Variants in A1CF observed in about 807,000 individuals in gnomAD.
A1CF encodes the protein APOBEC1 complementation factor, also known as APOBEC-1 stimulating protein.
In A1CF, 48 loss-of-function variants were observed where a neutral mutation model predicts 68.9. That is an observed-to-expected ratio of 0.70 (90% CI 0.55 to 0.89). A1CF has a LOEUF of 0.89. Among genes scored for constraint, A1CF ranks in the 40% least tolerant of loss-of-function variants. The pLI is 0.00. For missense variants in A1CF, 653 were observed against 718.9 expected (o/e 0.91, Z 1.05); for synonymous variants, 272 against 260.4 (o/e 1.04, Z -0.43).
At chr10:50,819,779 T>C (rs186545808) in intron 8 of A1CF, among the ~76,000 whole-genome samples, 335 of 152,304 alleles carry the variant, frequency 2.2e-3, no homozygotes, top group Non-Finnish European at 3.9e-3. Context: ...TACCCAATTT[T>C]CGTGGCTTCT....
intron 6 of A1CF, among the ~76,000 whole-genome samples, chr10:50,830,559 C>T (rs1368243556): frequency 6.6e-6 from 1 of 151,608 alleles, no homozygotes; most frequent in East Asian, 1.9e-4. Flanking sequence ...TAAATTTAAC[C>T]AACAAAATGA....
At chr10:50,849,171 GT>G (rs1840126574) in intron 3 of A1CF, among the ~76,000 whole-genome samples, 1 of 152,062 alleles carries the variant, frequency 6.6e-6, no homozygotes, top group Non-Finnish European at 1.5e-5. Flanking sequence ...CTCTTCTAAA[GT>G]TTTTGTTGCC....
rs750443908 is a variant in A1CF at position 50,859,904 on chromosome 10, C to A, written c.37G>T (p.Gly13Cys). 31 of 1,613,834 alleles carry A rather than the reference C, an allele frequency of 1.9e-5. No homozygotes were observed. In the Admixed American group the frequency reaches 5.2e-4, roughly 27 times the overall value. Residue 13 changes from glycine (G) to cysteine (C), a missense_variant, in exon 3 of 13, where the codon GGC (glycine) becomes TGC (cysteine). Coordinates refer to ENST00000373997, the MANE Select transcript of A1CF (RefSeq NM_014576.4). ...SNHKSGDGLS[G>C]TQKEAALRAL... The stretch of plus-strand genomic sequence containing the variant: ...CGGAGGGCTGCTTCCTTCTGAGTGC[C>A]GCTCAATCCATCCCCGGATTTGTGA...
intron 5 of A1CF, among the ~76,000 whole-genome samples, chr10:50,836,753 T>C (rs891186830): frequency 1.4e-5 from 2 of 140,794 alleles, no homozygotes; most frequent in Non-Finnish European, 3.0e-5. Flanking sequence ...AGTGTTCTCA[T>C]TGTTCAATTC....
At position 50,861,038 on chromosome 10, in the gene A1CF, T is replaced by C. The variant is rs144962129; in HGVS notation, c.-45-1053A>G. 2.2e-3 allele frequency among the ~76,000 whole-genome samples: 329 copies of C among 152,330 alleles called. 2 individuals carry two copies. Among genetic ancestry groups the C allele is most frequent in the African/African-American group, 7.5e-3 (312 of 41,578 alleles). ...AGAATGTATTTGAATATAGGTACTT[T>C]TGAAAATTTTCTGTCATATGCGTTG... On this transcript the variant is annotated intron_variant, in intron 2 of 12. Coordinates refer to ENST00000373997, the MANE Select transcript of A1CF (RefSeq NM_014576.4).
At chr10:50,847,327 A>G (rs987805278) in intron 3 of A1CF, among the ~76,000 whole-genome samples, 8 of 152,310 alleles carry the variant, frequency 5.3e-5, no homozygotes, top group African/African-American at 1.7e-4. Flanking sequence ...ACAATTGAGG[A>G]CACAATTCTA....
intron 1 of A1CF, among the ~76,000 whole-genome samples, chr10:50,884,829 T>C (rs1338695628): frequency 1.3e-5 from 2 of 152,202 alleles, no homozygotes; most frequent in Admixed American, 6.5e-5. Flanking sequence ...ATGTCCAGAT[T>C]GATTTCTTTC....
At chr10:50,820,698 T>C in intron 7 of A1CF, 49 bp from the exon 8 acceptor site, 1 of 1,494,874 alleles carries the variant, frequency 6.7e-7, no homozygotes, top group Non-Finnish European at 9.2e-7. Context: ...AAGAGAGCCT[T>C]GAAAGTGATA....
At position 50,816,111 on chromosome 10, in the gene A1CF, C is replaced by T; in HGVS notation, c.1036G>A (p.Val346Ile). 6.2e-7 allele frequency: 1 copy of T among 1,613,810 alleles called. No homozygotes were observed. The highest frequency in any genetic ancestry group is 1.3e-5 in the African/African-American group (1 of 74,982). Residue 346 changes from valine to isoleucine, a missense_variant, in exon 9 of 13, where the codon GTC becomes ATC. Val to Ile is a conservative substitution (Grantham distance 29). Coordinates refer to ENST00000373997, the MANE Select transcript of A1CF (RefSeq NM_014576.4). ...GCATAGGTCTGGGGGGCATAGAAGA[C>T]AGGAGCTCCAAGGTAGGTTGTGGTG... ...DPTTTYLGAP[V>I]FYAPQTYAAI...
chr10:50,867,252 A>G (rs1841036230), intron 1 of A1CF, among the ~76,000 whole-genome samples: 1 of 152,126 alleles, frequency 6.6e-6, no homozygotes, highest in Non-Finnish European at 1.5e-5. Flanking sequence ...TCATAATGGC[A>G]AAGATATGGA....
chr10:50,854,395 T>C (rs1840385421), intron 3 of A1CF, among the ~76,000 whole-genome samples: 1 of 152,040 alleles, frequency 6.6e-6, no homozygotes, highest in Non-Finnish European at 1.5e-5. Flanking sequence ...AATTTGAAAA[T>C]ATAAGAATGA....
At position 50,806,825 on chromosome 10, in the gene A1CF, C is replaced by T. The variant is rs374851147; in HGVS notation, c.1665G>A (p.Ala555=). Residue 555 remains alanine, a synonymous_variant, in exon 13 of 13, where the codon GCG becomes GCA. Transcript: ENST00000373997. ...CTGCTAAGTCTTGTCCAAGGGTTACCGCTTGCTTGAGCTGGGCTGCAGACA... is the reference window on the plus strand; with the variant it reads ...CTGCTAAGTCTTGTCCAAGGGTTACTGCTTGCTTGAGCTGGGCTGCAGACA... ...APVSAAQLKQ[A]VTLGQDLAAY... 2.1e-5 allele frequency: 34 copies of T among 1,613,412 alleles called. No individual in the cohort carries two copies. The highest frequency in any genetic ancestry group is 2.2e-5 in the East Asian group (1 of 44,850).
At chr10:50,854,766 A>C (rs1000381744) in intron 3 of A1CF, among the ~76,000 whole-genome samples, 1 of 151,922 alleles carries the variant, frequency 6.6e-6, no homozygotes, top group African/African-American at 2.4e-5. Flanking sequence ...AAGGAAGCAA[A>C]ACAGAAGAAC....
At chr10:50,812,726 C>T (rs961697931) in intron 10 of A1CF, among the ~76,000 whole-genome samples, 1 of 152,108 alleles carries the variant, frequency 6.6e-6, no homozygotes, top group African/African-American at 2.4e-5. Flanking sequence ...AGTTTTTTCC[C>T]ACTGGATTGC....
At position 50,806,245 on chromosome 10, in the gene A1CF, T is replaced by C. The variant is rs1837812839; in HGVS notation, c.*484A>G. 1.3e-5 allele frequency: 2 copies of C among 152,498 alleles called. No homozygotes were observed. Among genetic ancestry groups the C allele is most frequent in the South Asian group, 2.1e-4 (1 of 4,830 alleles). The allele number at this position is 152,498 out of a possible 1,614,324, so 9.4% of individuals were successfully genotyped here. On this transcript the variant is annotated 3_prime_UTR_variant, in exon 13 of 13. Transcript: ENST00000373997. ...CAATCATGCCCCACACAGTGAGCCA[T>C]GGTGAATGCATTTTGAAAAGCAACC...
chr10:50,849,786 C>CTTTTTTTTTTT (rs71949925), intron 3 of A1CF, among the ~76,000 whole-genome samples: 1 of 83,654 alleles, frequency 1.2e-5, no homozygotes, highest in African/African-American at 4.7e-5. Flanking sequence ...TTAATGAATT[C>CTTTTTTTTTTT]TTTTTTTTTT....
chr10:50,878,471 A>T (rs558777010), intron 1 of A1CF, among the ~76,000 whole-genome samples: 10 of 152,352 alleles, frequency 6.6e-5, no homozygotes, highest in African/African-American at 2.2e-4. Flanking sequence ...TAATTTGCCT[A>T]GAGTTAAATT....
At chr10:50,868,443 T>C (rs1032677011) in intron 1 of A1CF, among the ~76,000 whole-genome samples, 22 of 152,150 alleles carry the variant, frequency 1.4e-4, no homozygotes, top group African/African-American at 5.1e-4. Flanking sequence ...TCATGAGCCA[T>C]AGCAAAATTA....
At chr10:50,861,754 A>G (rs1313922966) in intron 2 of A1CF, among the ~76,000 whole-genome samples, 3 of 148,004 alleles carry the variant, frequency 2.0e-5, no homozygotes, top group Admixed American at 6.8e-5. Context: ...TATTACTACT[A>G]TTATGATTAT....
Sources: gnomAD v4.1 joint callset for allele counts (sites outside exome capture counted in the v4.1 genomes callset) on GRCh38, gnomAD v4.1.1 for gene constraint, MANE v1.5 for transcripts, NCBI Gene and HGNC (gene_info 2026-07-23, HGNC 2026-07-21) for gene names.